NKAIN3: variants seen among roughly 807,000 people sequenced by gnomAD.
NKAIN3 encodes sodium/potassium-transporting ATPase subunit beta-1-interacting protein 3.
NKAIN3 carries 25 observed loss-of-function variants against 30.2 expected under a neutral mutation model. The ratio of observed to expected loss-of-function variants is 0.83; its 90% confidence interval spans 0.60 to 1.16. The LOEUF is 1.16. NKAIN3 is among the 50% of genes most tolerant of loss of function. The probability of loss-of-function intolerance (pLI) is 0.00; values close to 1 mark genes in which losing one functional copy is unlikely to be tolerated. For missense variants in NKAIN3, 225 were observed against 254.1 expected (o/e 0.89, Z 0.78); for synonymous variants, 91 against 89.6 (o/e 1.02, Z -0.09).
At chr8:62,849,145 G>A (rs2130770571) in intron 4 of NKAIN3, among the ~76,000 whole-genome samples, 1 of 152,188 alleles carries the variant, frequency 6.6e-6, no homozygotes, top group Non-Finnish European at 1.5e-5. Context: ...ATCTCTGCCA[G>A]GTTTTGGTAT....
chr8:62,430,051 A>T (rs953441899), intron 1 of NKAIN3, among the ~76,000 whole-genome samples: 1 of 151,754 alleles, frequency 6.6e-6, no homozygotes, highest in South Asian at 2.1e-4. Flanking sequence ...TGTGATTTTC[A>T]TTATGATTTT....
chr8:62,287,350 G>A (rs577333933), intron 1 of NKAIN3, among the ~76,000 whole-genome samples: 130 of 152,020 alleles, frequency 8.6e-4, no homozygotes, highest in Middle Eastern at 3.4e-3. Context: ...TTTGGGTTAC[G>A]CTGACCTCAC....
At chr8:62,568,059 CT>C (rs1809813048) in intron 1 of NKAIN3, among the ~76,000 whole-genome samples, 1 of 152,222 alleles carries the variant, frequency 6.6e-6, no homozygotes, top group Middle Eastern at 3.4e-3. Context: ...TGCAACTTTC[CT>C]TTTGTAAACA....
At chr8:62,627,761 C>T (rs906766787) in intron 3 of NKAIN3, among the ~76,000 whole-genome samples, 1 of 151,990 alleles carries the variant, frequency 6.6e-6, no homozygotes, top group African/African-American at 2.4e-5. Flanking sequence ...CCTTAGATTG[C>T]TAGTTTCATG....
intron 1 of NKAIN3, among the ~76,000 whole-genome samples, chr8:62,438,365 C>T (rs773555018): frequency 1.3e-5 from 2 of 152,088 alleles, no homozygotes; most frequent in Non-Finnish European, 2.9e-5. Flanking sequence ...CAAATGCCAC[C>T]GGTATTCACA....
intron 1 of NKAIN3, among the ~76,000 whole-genome samples, chr8:62,347,430 T>A (rs957213100): frequency 6.6e-6 from 1 of 152,128 alleles, no homozygotes; most frequent in African/African-American, 2.4e-5. Context: ...TTTATTTCCA[T>A]GTTCAAAGAT....
In NKAIN3 at chr8:62,685,825, C is replaced by A. The variant is rs946768608; in HGVS notation, c.274-61107C>A. On this transcript the variant is annotated intron_variant, in intron 3 of 6. Coordinates refer to ENST00000623646, the MANE Select transcript of NKAIN3 (RefSeq NM_001304533.3). ...TTAAGTCTTTTGGATAAAGTGTTCT[C>A]AGATAATTGGCAGATAATTTAGGTC... 2.0e-5 allele frequency among the ~76,000 whole-genome samples: 3 copies of A among 152,304 alleles called. No homozygotes were observed. In the South Asian group the frequency reaches 6.2e-4, roughly 32 times the overall value.
intron 4 of NKAIN3, among the ~76,000 whole-genome samples, chr8:62,766,009 C>G (rs1181659154): frequency 6.6e-6 from 1 of 152,070 alleles, no homozygotes; most frequent in Admixed American, 6.6e-5. Context: ...TTGAATCTTT[C>G]TTGCTTGCTT....
intron 3 of NKAIN3, among the ~76,000 whole-genome samples, chr8:62,727,410 T>C (rs939819703): frequency 6.6e-6 from 1 of 151,670 alleles, no homozygotes; most frequent in Non-Finnish European, 1.5e-5. Flanking sequence ...AAATAAAACT[T>C]TGTTCACAGA....
intron 3 of NKAIN3, among the ~76,000 whole-genome samples, chr8:62,691,336 C>A (rs1476631428): frequency 1.3e-5 from 2 of 151,954 alleles, no homozygotes; most frequent in Non-Finnish European, 2.9e-5. Flanking sequence ...GGGGACATTC[C>A]ACCGTGTCTG....
chr8:62,365,178 C>G (rs2129592794), intron 1 of NKAIN3, among the ~76,000 whole-genome samples: 1 of 152,096 alleles, frequency 6.6e-6, no homozygotes, highest in South Asian at 2.1e-4. Flanking sequence ...TCTCATAATA[C>G]TCTATTATTA....
chr8:62,551,121 C>T (rs993813697), intron 1 of NKAIN3, among the ~76,000 whole-genome samples: 8 of 151,840 alleles, frequency 5.3e-5, no homozygotes, highest in Admixed American at 1.3e-4. Flanking sequence ...AATAATAATA[C>T]GAAGAGAGAA....
chr8:62,796,675 G>C (rs547690055), intron 4 of NKAIN3, among the ~76,000 whole-genome samples: 4 of 152,136 alleles, frequency 2.6e-5, no homozygotes, highest in Non-Finnish European at 4.4e-5. Flanking sequence ...AACCTATCTT[G>C]TACTGTGCAG....
intron 4 of NKAIN3, chr8:62,863,924 G>C: frequency 8.8e-7 from 1 of 1,141,492 alleles, no homozygotes; most frequent in Non-Finnish European, 1.3e-6. Flanking sequence ...TTTGGCTCTG[G>C]TGGTGTGGGG....
chr8:62,550,005 A>G (rs1809146898), intron 1 of NKAIN3, among the ~76,000 whole-genome samples: 1 of 150,886 alleles, frequency 6.6e-6, no homozygotes, highest in Non-Finnish European at 1.5e-5. Context: ...GGATTAAAGT[A>G]TGAATGGATC....
rs1262662138 is a variant in NKAIN3 at position 62,509,252 on chromosome 8, TTTC to T, written c.55-70278_55-70276del. ...AGCTGGGAAAGGTATTATAGAGACA[TTTC>T]TTCTTCTTATCCCTCACCTCACCCT... is the stretch of plus-strand genomic sequence containing the variant. On this transcript the variant is annotated intron_variant, in intron 1 of 6. Transcript: ENST00000623646. Among the ~76,000 whole-genome samples the T allele has an allele frequency of 2.6e-5, 4 of 151,954 alleles. No individual in the cohort carries two copies. The East Asian group carries it at 7.8e-4, about 30-fold the overall frequency.
chr8:62,477,296 G>T (rs536497007), intron 1 of NKAIN3, among the ~76,000 whole-genome samples: 1 of 152,028 alleles, frequency 6.6e-6, no homozygotes, highest in East Asian at 1.9e-4. Context: ...GTTTTTTGGA[G>T]CCCTTTGCCA....
intron 1 of NKAIN3, among the ~76,000 whole-genome samples, chr8:62,466,539 C>T (rs1389084129): frequency 1.3e-5 from 2 of 152,150 alleles, no homozygotes; most frequent in Non-Finnish European, 2.9e-5. Context: ...GTTTCCAGCT[C>T]ATACCCTGAC....
intron 3 of NKAIN3, among the ~76,000 whole-genome samples, chr8:62,734,084 C>T (rs1815570182): frequency 6.6e-6 from 1 of 152,050 alleles, no homozygotes; most frequent in Non-Finnish European, 1.5e-5. Context: ...GAGTTCAAGA[C>T]CTACCTGGGT....
Sources: gnomAD v4.1 joint callset for allele counts (sites outside exome capture counted in the v4.1 genomes callset) on GRCh38, gnomAD v4.1.1 for gene constraint, MANE v1.5 for transcripts, NCBI Gene and HGNC (gene_info 2026-07-23, HGNC 2026-07-21) for gene names.